Variants in RBPJ observed in about 807,000 individuals in gnomAD.
The protein encoded by RBPJ is recombination signal binding protein for immunoglobulin kappa J region.
A neutral mutation model predicts 67.8 loss-of-function variants in RBPJ; 9 were observed. The observed-to-expected ratio is 0.13, with a 90% CI of 0.08 to 0.23. The LOEUF is 0.23. Ranked by LOEUF, RBPJ falls within the 10% of genes least tolerant of loss-of-function variation. The pLI, the probability that RBPJ is intolerant of heterozygous loss-of-function variation, is 1.00. For missense variants in RBPJ, 305 were observed against 595.6 expected (o/e 0.51, Z 5.08); for synonymous variants, 198 against 203.3 (o/e 0.97, Z 0.22).
chr4:26,238,949 G>A (rs1485147682), intron 1 of RBPJ, among the ~76,000 whole-genome samples: 3 of 152,108 alleles, frequency 2.0e-5, no homozygotes, highest in Non-Finnish European at 4.4e-5. Context: ...CACCCAGGGA[G>A]AGCAGACGCA....
chr4:26,218,241 A>G (rs921346446), intron 1 of RBPJ, among the ~76,000 whole-genome samples: 4 of 152,186 alleles, frequency 2.6e-5, no homozygotes, highest in African/African-American at 9.7e-5. Context: ...ACGTGCAAAC[A>G]CAGACTCTCT....
At position 26,251,578 on chromosome 4, in the gene RBPJ, A is replaced by G. The variant is rs554683440; in HGVS notation, c.-167+87964A>G. ...TTGAACATGGGAGGTGGAGGTTGCA[A>G]TGAGAGCGGAAATCATGCCACTGCA... On this transcript the variant is annotated intron_variant, in intron 1 of 4. Coordinates refer to the RBPJ transcript ENST00000512351. Among the ~76,000 whole-genome samples, 309 of 144,248 alleles carry G rather than the reference A, an allele frequency of 2.1e-3. 2 individuals carry two copies. The highest frequency in any genetic ancestry group is 7.6e-3 in the African/African-American group (295 of 38,838). 94.6% of individuals were successfully genotyped at this position (144,248 alleles called of 152,430 possible).
Position 26,406,250 on chromosome 4 carries a change from G to A in RBPJ, c.135G>A (p.Lys45=), listed in dbSNP as rs772917120. 4.7e-5 allele frequency: 75 copies of A among 1,608,072 alleles called. No individual in the cohort carries two copies. Among genetic ancestry groups the A allele is most frequent in the Non-Finnish European group, 6.1e-5 (72 of 1,175,642 alleles). Residue 45 remains lysine (K), a synonymous_variant, in exon 3 of 11, where the codon AAG becomes AAA. Coordinates refer to ENST00000355476, the MANE Select transcript of RBPJ (RefSeq NM_015874.6). The part of the protein sequence containing the change: ...VLILHAKVAQ[K]SYGNEKRFFC... Reference sequence around the variant, plus strand: ...TTCTTCATGCAAAAGTTGCACAGAAGTCATATGGAAATGAAAAAAGGTAAG... The same window carrying A: ...TTCTTCATGCAAAAGTTGCACAGAAATCATATGGAAATGAAAAAAGGTAAG...
rs940310574 is a variant in RBPJ at position 26,329,628 on chromosome 4, C to T, written c.20+8580C>T. ...CTACTGGGCCGGCTGGGCGCGGTGG[C>T]TCACGCTTGTAATCCCAGCACTTTG... On this transcript the variant is annotated intron_variant, in intron 1 of 10. Coordinates refer to ENST00000355476, the MANE Select transcript of RBPJ (RefSeq NM_015874.6). 9.2e-5 allele frequency among the ~76,000 whole-genome samples: 14 copies of T among 152,134 alleles called. No individual in the cohort carries two copies. The East Asian group carries it at 1.9e-3, about 21-fold the overall frequency.
At chr4:26,136,746 G>A in the RBPJ span, among the ~76,000 whole-genome samples, 12 of 152,132 alleles carry the variant, frequency 7.9e-5, no homozygotes. Context: ...AGGCACTACT[G>A]TAAACACTTT....
rs74654941 is a variant in RBPJ, at chr4:26,431,589, T to C, written c.*582T>C. The C allele has an allele frequency of 2.1e-4, 32 of 152,402 alleles. No individual in the cohort carries two copies. Among genetic ancestry groups the C allele is most frequent in the African/African-American group, 6.7e-4 (28 of 41,524 alleles). The allele number at this position is 152,402 out of a possible 1,614,324, so 9.4% of individuals were successfully genotyped here. A position where few individuals can be genotyped will look rare whatever the true frequency, so the allele number is the denominator to read the frequency against. ...CATACTCTTCCAGGTTTTTTTTTTT[T>C]GGTCTAAGGCTGGAACTTTTTTCTT... On this transcript the variant is annotated 3_prime_UTR_variant, in exon 11 of 11. Coordinates refer to ENST00000355476, the MANE Select transcript of RBPJ (RefSeq NM_015874.6).
intron 2 of RBPJ, among the ~76,000 whole-genome samples, chr4:26,387,729 G>GGT (rs1170575924): frequency 2.0e-5 from 3 of 152,140 alleles, no homozygotes; most frequent in African/African-American, 7.2e-5. Flanking sequence ...ACTACTCCGT[G>GGT]GTGGGGATTG....
intron 1 of RBPJ, among the ~76,000 whole-genome samples, chr4:26,348,162 C>T (rs796372030): frequency 1.9e-4 from 29 of 152,038 alleles, no homozygotes; most frequent in African/African-American, 6.3e-4. Context: ...GGTTTCACCA[C>T]GGTGGCCAGG....
At chr4:26,199,364 G>A (rs1717900655) in intron 1 of RBPJ, among the ~76,000 whole-genome samples, 1 of 152,308 alleles carries the variant, frequency 6.6e-6, no homozygotes, top group Admixed American at 6.5e-5. Flanking sequence ...GAACCCGGGA[G>A]GTGGAGCTTG....
At chr4:26,157,925 G>T in the RBPJ span, among the ~76,000 whole-genome samples, 1 of 152,152 alleles carries the variant, frequency 6.6e-6, no homozygotes, top group Non-Finnish European at 1.5e-5. Context: ...GGATGATCTA[G>T]CCTCAATTGA....
At position 26,386,378 on chromosome 4, in the gene RBPJ, A is replaced by G. The variant is rs577395888; in HGVS notation, c.46A>G (p.Lys16Glu). 32 of 1,600,544 alleles carry G rather than the reference A, an allele frequency of 2.0e-5. No homozygotes were observed. Among genetic ancestry groups the G allele is most frequent in the Non-Finnish European group, 2.6e-5 (30 of 1,173,480 alleles). ...TGKFGERPPP[K>E]RLTREAMRNY... ...GAAATTTGGTGAGCGGCCTCCACCT[A>G]AACGACTTACTAGGTGAGTATTATA... The change falls in exon 2 of 11, where the codon AAA becomes GAA. Residue 16 changes from lysine to glutamate, a missense_variant. Lys to Glu is a moderately conservative substitution (Grantham distance 56). Around this residue, in one of 7 missense-constraint regions of RBPJ, gnomAD observed 42 missense variants for 43.6 expected, o/e 0.96. Transcript: ENST00000355476.
chr4:26,130,090 T>C, the RBPJ span, among the ~76,000 whole-genome samples: 1 of 152,024 alleles, frequency 6.6e-6, no homozygotes, highest in Admixed American at 6.6e-5. Flanking sequence ...TCAAACTCCT[T>C]TCCTTAAGTG....
chr4:26,394,135 T>C (rs1402281784), intron 2 of RBPJ, among the ~76,000 whole-genome samples: 1 of 151,776 alleles, frequency 6.6e-6, no homozygotes, highest in African/African-American at 2.4e-5. Flanking sequence ...CGCGCCATTC[T>C]CCTGCCTCAG....
At chr4:26,243,444 G>T (rs908701873) in intron 1 of RBPJ, among the ~76,000 whole-genome samples, 2 of 152,206 alleles carry the variant, frequency 1.3e-5, no homozygotes, top group African/African-American at 4.8e-5. Context: ...CCACTATGGT[G>T]AGTTTGACAC....
intron 1 of RBPJ, among the ~76,000 whole-genome samples, chr4:26,328,014 A>C (rs1723825952): frequency 1.3e-5 from 2 of 152,156 alleles, no homozygotes; most frequent in Non-Finnish European, 2.9e-5. Context: ...CTAGCTTTAG[A>C]CTGGTTTGCA....
chr4:26,374,450 C>T (rs1306365259), intron 1 of RBPJ, among the ~76,000 whole-genome samples: 1 of 150,018 alleles, frequency 6.7e-6, no homozygotes, highest in Non-Finnish European at 1.5e-5. Context: ...ACAATTCTGT[C>T]ATAAAAATTC....
chr4:26,284,435 C>A (rs1390078309), intron 1 of RBPJ, among the ~76,000 whole-genome samples: 4 of 152,152 alleles, frequency 2.6e-5, no homozygotes, highest in Admixed American at 2.6e-4. Flanking sequence ...TGCAAAGCAT[C>A]TTTTCTGGTC....
chr4:26,347,184 T>C (rs1411456217), intron 1 of RBPJ, among the ~76,000 whole-genome samples: 1 of 152,002 alleles, frequency 6.6e-6, no homozygotes, highest in Non-Finnish European at 1.5e-5. Flanking sequence ...TTGAGGTTCT[T>C]GTGAGAAAGC....
At chr4:26,266,279 G>T (rs925755047) in intron 1 of RBPJ, among the ~76,000 whole-genome samples, 1 of 152,192 alleles carries the variant, frequency 6.6e-6, no homozygotes, top group African/African-American at 2.4e-5. Flanking sequence ...TCATCCAAAG[G>T]ACAGATTAAT....
Sources: gnomAD v4.1 joint callset for allele counts (sites outside exome capture counted in the v4.1 genomes callset) on GRCh38, gnomAD v4.1.1 for gene constraint, gnomAD v4.1.1 regional missense constraint, MANE v1.5 for transcripts, NCBI Gene and HGNC (gene_info 2026-07-23, HGNC 2026-07-21) for gene names.